Variants in KCNIP1 observed in about 807,000 individuals in gnomAD.
KCNIP1 encodes the protein potassium voltage-gated channel interacting protein 1.
A neutral mutation model predicts 33.0 loss-of-function variants in KCNIP1; 18 were observed. That is an observed-to-expected ratio of 0.55 (90% CI 0.38 to 0.81). KCNIP1 has a LOEUF of 0.81. Ranked by LOEUF, KCNIP1 falls within the 30% of genes least tolerant of loss-of-function variation. KCNIP1 has a pLI of 0.00. For missense variants in KCNIP1, 238 were observed against 271.6 expected (o/e 0.88, Z 0.87); for synonymous variants, 93 against 98.3 (o/e 0.95, Z 0.32).
At chr5:170,479,661 A>G (rs1756931645) in intron 1 of KCNIP1, among the ~76,000 whole-genome samples, 1 of 152,230 alleles carries the variant, frequency 6.6e-6, no homozygotes, top group African/African-American at 2.4e-5. Context: ...CAGTTCCATA[A>G]GGGTAATACC....
chr5:170,400,436 G>T (rs1315205343), intron 1 of KCNIP1, among the ~76,000 whole-genome samples: 1 of 152,066 alleles, frequency 6.6e-6, no homozygotes, highest in African/African-American at 2.4e-5. Context: ...AGAACAGCAT[G>T]GGGGAGACTT....
rs1764374060 is a variant in KCNIP1 at position 170,735,953 on chromosome 5, T to G, written c.*147T>G. The G allele has an allele frequency of 1.5e-6, 1 of 658,442 alleles. No individual in the cohort carries two copies. The highest frequency in any genetic ancestry group is 2.4e-5 in the Admixed American group (1 of 41,264). The allele number at this position is 658,442 out of a possible 1,614,324, so 40.8% of individuals were successfully genotyped here. The stretch of plus-strand genomic sequence containing the variant: ...TTGGAAGAATTCTCTGCTGAAGACT[T>G]TCTATGGAACCCAGCATCATGTGGC... On this transcript the variant is annotated 3_prime_UTR_variant, in exon 8 of 8. Coordinates refer to ENST00000328939, the MANE Select transcript of KCNIP1 (RefSeq NM_014592.4).
intron 1 of KCNIP1, among the ~76,000 whole-genome samples, chr5:170,513,535 A>C (rs966033062): frequency 2.0e-5 from 3 of 152,094 alleles, no homozygotes; most frequent in Non-Finnish European, 2.9e-5. Context: ...CTGAATCTTG[A>C]CTCCACCAGC....
At chr5:170,533,989 A>G (rs1339657414) in intron 1 of KCNIP1, among the ~76,000 whole-genome samples, 1 of 152,216 alleles carries the variant, frequency 6.6e-6, no homozygotes, top group Non-Finnish European at 1.5e-5. Flanking sequence ...TGGCACCAGA[A>G]GGTGCCCAGA....
chr5:170,504,939 G>A lies in KCNIP1; in HGVS notation c.61+306G>A, dbSNP rs980349851. On this transcript the variant is annotated intron_variant, in intron 1 of 7. Transcript: ENST00000328939. The surrounding 1 kb of genome is among the most constrained non-coding windows in gnomAD (Gnocchi z 6.0). ...GGCATGTTCACAGGTGGGGGTGACC[G>A]GATTCTCTGGTGGAAGTGTGGTGAA... Among the ~76,000 whole-genome samples, 2 of 152,172 alleles carry A rather than the reference G, an allele frequency of 1.3e-5. No homozygotes were observed. Among genetic ancestry groups the A allele is most frequent in the Non-Finnish European group, 2.9e-5 (2 of 68,036 alleles).
At chr5:170,677,444 C>A (rs1317346627) in intron 1 of KCNIP1, among the ~76,000 whole-genome samples, 1 of 152,086 alleles carries the variant, frequency 6.6e-6, no homozygotes, top group East Asian at 1.9e-4. Flanking sequence ...AGTATTATTC[C>A]CAGGTAAGGA....
rs114986250 is a variant in KCNIP1 at position 170,720,249 on chromosome 5, C to A, written c.187-72C>A. On this transcript the variant is annotated intron_variant, in intron 2 of 7. Coordinates refer to ENST00000328939, the MANE Select transcript of KCNIP1 (RefSeq NM_014592.4). The stretch of plus-strand genomic sequence containing the variant: ...GGGGATCATGAGGAACCCCAGACAC[C>A]AAGGCTGGGCCCAGTCTTCTCCTAG... 13 of 1,105,246 alleles carry A rather than the reference C, an allele frequency of 1.2e-5. No individual in the cohort carries two copies. In the Admixed American group the frequency reaches 2.3e-4, roughly 19 times the overall value. 68.5% of individuals were successfully genotyped at this position (1,105,246 alleles called of 1,614,324 possible).
At chr5:170,480,627 TGAGA>T (rs1282858542) in intron 1 of KCNIP1, among the ~76,000 whole-genome samples, 1 of 151,960 alleles carries the variant, frequency 6.6e-6, no homozygotes, top group Non-Finnish European at 1.5e-5. Context: ...TTTTTGTATT[TGAGA>T]TGGGGTCTCT....
At chr5:170,674,402 C>T (rs887976130) in intron 1 of KCNIP1, among the ~76,000 whole-genome samples, 7 of 152,144 alleles carry the variant, frequency 4.6e-5, no homozygotes, top group Admixed American at 3.9e-4. Flanking sequence ...ACAACAGTTA[C>T]ATTTTGTTCA....
At position 170,383,853 on chromosome 5, in the gene KCNIP1, G is replaced by A. The variant is rs559712764; in HGVS notation, c.88+29889G>A. ...ACTTGGATTCCTGGGTCCACACGCTGAGGAGACCACACACATGCACACATA... is the reference window on the plus strand; with the variant it reads ...ACTTGGATTCCTGGGTCCACACGCTAAGGAGACCACACACATGCACACATA... On this transcript the variant is annotated intron_variant, in intron 1 of 7. Coordinates refer to the KCNIP1 transcript ENST00000377360. The A allele has an allele frequency of 6.8e-6, 11 of 1,613,634 alleles. No homozygotes were observed. In the South Asian group the frequency reaches 1.2e-4, roughly 18 times the overall value.
At chr5:170,712,858 C>A (rs754975322) in intron 1 of KCNIP1, 2 of 1,613,866 alleles carry the variant, frequency 1.2e-6, no homozygotes, top group African/African-American at 2.7e-5. Flanking sequence ...TCCTAGACAT[C>A]GCCTGGTGGT....
At chr5:170,434,758 C>T (rs1048148478) in intron 1 of KCNIP1, among the ~76,000 whole-genome samples, 1 of 152,120 alleles carries the variant, frequency 6.6e-6, no homozygotes, top group African/African-American at 2.4e-5. Context: ...AGTTTGAGAC[C>T]AGCCTGGTCA....
intron 1 of KCNIP1, among the ~76,000 whole-genome samples, chr5:170,581,059 C>T (rs1375769284): frequency 1.3e-5 from 2 of 152,174 alleles, no homozygotes; most frequent in Non-Finnish European, 2.9e-5. Context: ...AAGCAGCACA[C>T]TGAGCCATCT....
rs150681668 is a variant in KCNIP1 at position 170,460,206 on chromosome 5, C to G, written c.88+106242C>G. On this transcript the variant is annotated intron_variant, in intron 1 of 7. Coordinates refer to the KCNIP1 transcript ENST00000377360. ...GATTGAAATGGTAATTAAAAAATTA[C>G]CAATAAAAAAGTCCAGGACCAGGTG... Among the ~76,000 whole-genome samples the G allele has an allele frequency of 9.0e-4, 137 of 152,060 alleles. 1 individual carries two copies. The highest frequency in any genetic ancestry group is 3.1e-3 in the African/African-American group (130 of 41,506).
At chr5:170,518,119 G>A (rs150752882) in intron 1 of KCNIP1, among the ~76,000 whole-genome samples, 256 of 152,154 alleles carry the variant, frequency 1.7e-3, no homozygotes, top group African/African-American at 5.9e-3. Context: ...AGGTGGTGAT[G>A]GTGGCAGTGG....
chr5:170,579,375 A>C (rs1757712519), intron 1 of KCNIP1, among the ~76,000 whole-genome samples: 1 of 152,192 alleles, frequency 6.6e-6, no homozygotes, highest in Non-Finnish European at 1.5e-5. Context: ...AATAGTTATG[A>C]TGAAGGTGAT....
At chr5:170,730,277 A>T (rs1324296183) in intron 5 of KCNIP1, among the ~76,000 whole-genome samples, 1 of 152,228 alleles carries the variant, frequency 6.6e-6, no homozygotes, top group Non-Finnish European at 1.5e-5. Flanking sequence ...TCATTATTCC[A>T]TCACTGAATA....
intron 1 of KCNIP1, among the ~76,000 whole-genome samples, chr5:170,564,519 A>G (rs1757141603): frequency 6.6e-6 from 1 of 152,224 alleles, no homozygotes; most frequent in Non-Finnish European, 1.5e-5. Flanking sequence ...CAGGAAAAAC[A>G]GCTCAGATTC....
At chr5:170,429,031 C>T (rs1002224416) in intron 1 of KCNIP1, among the ~76,000 whole-genome samples, 1 of 152,082 alleles carries the variant, frequency 6.6e-6, no homozygotes. Flanking sequence ...GCAGAGGTTG[C>T]GGTGAGCCGA....
Sources: allele counts gnomAD v4.1 joint callset (sites outside exome capture counted in the v4.1 genomes callset), GRCh38; gene constraint gnomAD v4.1.1; non-coding constraint Gnocchi (gnomAD v3.1); transcripts MANE v1.5; gene names NCBI Gene and HGNC (gene_info 2026-07-23, HGNC 2026-07-21).